CDH13: variants seen among roughly 807,000 people sequenced by gnomAD.
CDH13 encodes the protein cadherin 13, also known as cadherin-13.
CDH13 carries 24 observed loss-of-function variants against 63.8 expected under a neutral mutation model. The ratio of observed to expected loss-of-function variants is 0.38; its 90% CI spans 0.27 to 0.53. The LOEUF is 0.53. CDH13 is among the 20% of genes least tolerant of loss of function. The pLI is 0.85. For missense variants in CDH13, 1,049 were observed against 903.1 expected (o/e 1.16, Z -2.07); for synonymous variants, 503 against 355.3 (o/e 1.42, Z -4.67).
intron 1 of CDH13, among the ~76,000 whole-genome samples, chr16:82,802,395 G>A (rs914415721): frequency 2.0e-5 from 3 of 152,226 alleles, no homozygotes; most frequent in African/African-American, 4.8e-5. Flanking sequence ...TTTCTGCTTC[G>A]CCTGGCAAAA....
At chr16:83,144,576 A>G (rs2036666385) in intron 4 of CDH13, among the ~76,000 whole-genome samples, 1 of 152,226 alleles carries the variant, frequency 6.6e-6, no homozygotes, top group Non-Finnish European at 1.5e-5. Context: ...TTTTTTGACT[A>G]AATAAATAGC....
rs116022519 is a variant in CDH13, at chr16:83,305,648, C to G, written c.637-39214C>G. 5.2e-3 allele frequency among the ~76,000 whole-genome samples: 785 copies of G among 152,306 alleles called. 11 individuals are homozygous for G. The highest frequency in any genetic ancestry group is 0.018 in the African/African-American group (760 of 41,562). ...GGAATACAGGCGACATGGCATGTGA[C>G]TTGGAGCCAGATGGGAGTTTGTATC... On this transcript the variant is annotated intron_variant, in intron 5 of 13. Coordinates refer to ENST00000567109, the MANE Select transcript of CDH13 (RefSeq NM_001257.5).
chr16:82,949,409 A>G (rs1245486816), intron 2 of CDH13, among the ~76,000 whole-genome samples: 1 of 152,034 alleles, frequency 6.6e-6, no homozygotes, highest in African/African-American at 2.4e-5. Flanking sequence ...CTTCCTCTTA[A>G]CTCGATGACA....
At chr16:83,071,555 G>T (rs1456100295) in intron 3 of CDH13, among the ~76,000 whole-genome samples, 1 of 152,180 alleles carries the variant, frequency 6.6e-6, no homozygotes, top group Non-Finnish European at 1.5e-5. Context: ...TGTCAGTGAG[G>T]AAGGGAGGCT....
chr16:83,109,754 A>T (rs1265995428), intron 3 of CDH13, among the ~76,000 whole-genome samples: 1 of 152,210 alleles, frequency 6.6e-6, no homozygotes, highest in African/African-American at 2.4e-5. Context: ...ACAAGTAGCT[A>T]TTGAACATGA....
intron 1 of CDH13, among the ~76,000 whole-genome samples, chr16:82,747,851 C>G (rs1410217749): frequency 6.6e-6 from 1 of 152,168 alleles, no homozygotes; most frequent in East Asian, 1.9e-4. Context: ...TTTTCACTTG[C>G]ATTTTCCCCA....
rs183101915 is a variant in CDH13 at position 83,349,745 on chromosome 16, C to T, written c.781+4739C>T. 2.3e-4 allele frequency among the ~76,000 whole-genome samples: 35 copies of T among 152,228 alleles called. No homozygotes were observed. In the East Asian group the frequency reaches 6.4e-3, roughly 28 times the overall value. ...CCTCCCGAGTAGCTGGGATTACAGA[C>T]ACCTGCCACCACGCCCAGCTAATTT... On this transcript the variant is annotated intron_variant, in intron 6 of 13. Coordinates refer to ENST00000567109, the MANE Select transcript of CDH13 (RefSeq NM_001257.5).
At chr16:83,687,813 A>C (rs555485647) in intron 10 of CDH13, among the ~76,000 whole-genome samples, 1 of 152,370 alleles carries the variant, frequency 6.6e-6, no homozygotes, top group South Asian at 2.1e-4. Context: ...CATTGCCGTC[A>C]GCCAACCCTT....
intron 6 of CDH13, among the ~76,000 whole-genome samples, chr16:83,355,854 A>C (rs2091042237): frequency 6.6e-6 from 1 of 152,210 alleles, no homozygotes; most frequent in South Asian, 2.1e-4. Flanking sequence ...TCCCAGGGTA[A>C]CACAGCAGTG....
chr16:83,092,734 C>A (rs759770448), intron 3 of CDH13, among the ~76,000 whole-genome samples: 1 of 152,146 alleles, frequency 6.6e-6, no homozygotes, highest in Non-Finnish European at 1.5e-5. Flanking sequence ...TTCCCAAATA[C>A]ACCTATTATT....
chr16:82,946,369 T>C (rs1346295394), intron 2 of CDH13, among the ~76,000 whole-genome samples: 2 of 152,282 alleles, frequency 1.3e-5, no homozygotes, highest in Non-Finnish European at 1.5e-5. Context: ...AAATATTTTA[T>C]TGATAGTCAA....
At chr16:83,490,759 G>A (rs1284911071) in intron 7 of CDH13, among the ~76,000 whole-genome samples, 1 of 152,164 alleles carries the variant, frequency 6.6e-6, no homozygotes, top group Non-Finnish European at 1.5e-5. Context: ...TTGAAAGCAG[G>A]TGAACTGGCC....
intron 9 of CDH13, among the ~76,000 whole-genome samples, chr16:83,673,062 C>G (rs943887415): frequency 6.6e-6 from 1 of 152,192 alleles, no homozygotes; most frequent in African/African-American, 2.4e-5. Context: ...GAATAATATA[C>G]AGTACTATAA....
chr16:83,635,767 A>G (rs2325960), intron 8 of CDH13, among the ~76,000 whole-genome samples: 2 of 152,116 alleles, frequency 1.3e-5, no homozygotes, highest in African/African-American at 4.8e-5. Flanking sequence ...TCTGTTCGTT[A>G]TCTTAATAGA....
chr16:82,689,295 G>A (rs528156176), intron 1 of CDH13, among the ~76,000 whole-genome samples: 72 of 152,026 alleles, frequency 4.7e-4, no homozygotes, highest in Non-Finnish European at 9.3e-4. Flanking sequence ...TTTCTCAGCA[G>A]GTATGAATCA....
chr16:83,057,833 T>C (rs1379594931), intron 3 of CDH13, among the ~76,000 whole-genome samples: 1 of 152,196 alleles, frequency 6.6e-6, no homozygotes, highest in Non-Finnish European at 1.5e-5. Flanking sequence ...ACACTTGTAT[T>C]TTTTATGGTA....
At chr16:83,496,314 A>G (rs892538852) in intron 7 of CDH13, among the ~76,000 whole-genome samples, 1 of 146,716 alleles carries the variant, frequency 6.8e-6, no homozygotes, top group Non-Finnish European at 1.5e-5. Context: ...AAACAGAGAT[A>G]TAGATCAATG....
chr16:83,632,287 T>TGGGTA (rs1337597326), intron 8 of CDH13, among the ~76,000 whole-genome samples: 8 of 3,310 alleles, frequency 2.4e-3, no homozygotes, highest in Non-Finnish European at 6.9e-3. Flanking sequence ...ACAGTGAAAT[T>TGGGTA]AGAGATGACT....
At chr16:83,481,962 C>T (rs181891443) in intron 6 of CDH13, among the ~76,000 whole-genome samples, 9 of 152,302 alleles carry the variant, frequency 5.9e-5, no homozygotes, top group Non-Finnish European at 1.3e-4. Context: ...GCACAGGCAT[C>T]ACCCACAGGC....
Sources: allele counts gnomAD v4.1 joint callset (sites outside exome capture counted in the v4.1 genomes callset), GRCh38; gene constraint gnomAD v4.1.1; transcripts MANE v1.5; gene names NCBI Gene and HGNC (gene_info 2026-07-23, HGNC 2026-07-21).